The following GRM7 variants were observed in gnomAD, a reference collection of about 807,000 sequenced individuals.
The protein encoded by GRM7 is metabotropic glutamate receptor 7.
Under a neutral mutation model 84.5 loss-of-function variants are expected in GRM7, and 35 were observed. That is an observed-to-expected ratio of 0.41 (90% CI 0.32 to 0.55). The LOEUF (loss-of-function observed/expected upper bound fraction) is 0.55, where lower values mean the gene tolerates loss of function less well. GRM7 is among the 20% of genes least tolerant of loss of function. The probability of loss-of-function intolerance (pLI) is 0.19; values close to 1 mark genes in which losing one functional copy is unlikely to be tolerated. For missense variants in GRM7, 1,003 were observed against 1,194.6 expected (o/e 0.84, Z 2.36); for synonymous variants, 487 against 455.1 (o/e 1.07, Z -0.89).
intron 4 of GRM7, among the ~76,000 whole-genome samples, chr3:7,398,802 G>A (rs1439326057): frequency 6.6e-6 from 1 of 152,040 alleles, no homozygotes; most frequent in Non-Finnish European, 1.5e-5. Context: ...TTGGGGCCCT[G>A]TTTGAGTGCT....
chr3:7,595,763 G>A (rs1039370175), intron 8 of GRM7, among the ~76,000 whole-genome samples: 2 of 152,090 alleles, frequency 1.3e-5, no homozygotes, highest in African/African-American at 4.8e-5. Flanking sequence ...AGGCGCCAAG[G>A]CAGGGGTAAG....
intron 2 of GRM7, among the ~76,000 whole-genome samples, chr3:7,230,840 C>G (rs1013054324): frequency 6.6e-6 from 1 of 152,156 alleles, no homozygotes; most frequent in African/African-American, 2.4e-5. Context: ...ACGAGTAATT[C>G]TGGGAAGCAG....
At chr3:6,875,076 C>A (rs1695253980) in intron 1 of GRM7, among the ~76,000 whole-genome samples, 1 of 152,118 alleles carries the variant, frequency 6.6e-6, no homozygotes, top group Non-Finnish European at 1.5e-5. Flanking sequence ...AGGACTTCTG[C>A]AAATATTTAT....
chr3:6,899,014 A>G (rs1441607224), intron 1 of GRM7, among the ~76,000 whole-genome samples: 1 of 152,092 alleles, frequency 6.6e-6, no homozygotes, highest in Non-Finnish European at 1.5e-5. Context: ...CCATATTGCA[A>G]TCAGTAAAAT....
intron 9 of GRM7, among the ~76,000 whole-genome samples, chr3:7,730,314 TG>T (rs1702280280): frequency 6.6e-6 from 1 of 152,112 alleles, no homozygotes; most frequent in African/African-American, 2.4e-5. Context: ...CCTGTTTTTT[TG>T]TTTGTTTGTT....
chr3:7,377,989 G>C (rs922975506), intron 4 of GRM7, among the ~76,000 whole-genome samples: 8 of 152,136 alleles, frequency 5.3e-5, no homozygotes, highest in African/African-American at 1.7e-4. Flanking sequence ...TTCCCAGAAT[G>C]TAGTCACCAA....
chr3:6,893,610 C>T (rs888109020), intron 1 of GRM7, among the ~76,000 whole-genome samples: 2 of 152,092 alleles, frequency 1.3e-5, no homozygotes, highest in African/African-American at 4.8e-5. Context: ...GAAAAAGACA[C>T]AAAAATACAC....
chr3:6,996,072 A>T (rs915208483), intron 1 of GRM7, among the ~76,000 whole-genome samples: 6 of 151,274 alleles, frequency 4.0e-5, no homozygotes, highest in African/African-American at 1.5e-4. Context: ...TTTTTGAGAC[A>T]AAGTCTTGCT....
chr3:7,010,152 G>T lies in GRM7; in HGVS notation c.520-136300G>T, dbSNP rs539907018. 2.4e-4 allele frequency among the ~76,000 whole-genome samples: 36 copies of T among 152,262 alleles called. 1 individual carries two copies. In the South Asian group the frequency reaches 7.5e-3, roughly 32 times the overall value. ...CATCACAGACAAGGGGAGATTCTGG[G>T]CCGGGCCAGTAGCTCGGGACGGGCA... On this transcript the variant is annotated intron_variant, in intron 1 of 9. Transcript: ENST00000357716.
Position 7,641,350 on chromosome 3 carries a change from C to G in GRM7, c.2452-38699C>G, listed in dbSNP as rs184026611. On this transcript the variant is annotated intron_variant, in intron 8 of 9. Transcript: ENST00000357716. ...AAAGAAGAACTGACAATATATTATT[C>G]AAATGTGTCCTGGGTTTAATCCAAA... Among the ~76,000 whole-genome samples the G allele has an allele frequency of 7.9e-4, 121 of 152,218 alleles. 1 individual carries two copies. The highest frequency in any genetic ancestry group is 3.4e-4 in the Non-Finnish European group (23 of 67,980).
chr3:7,251,433 AAAG>A (rs1559528295), intron 2 of GRM7, among the ~76,000 whole-genome samples: 1 of 152,166 alleles, frequency 6.6e-6, no homozygotes, highest in Non-Finnish European at 1.5e-5. Flanking sequence ...TTTCACAAAA[AAAG>A]TATTGGAATA....
chr3:7,322,191 C>G (rs1306701619), intron 4 of GRM7, among the ~76,000 whole-genome samples: 1 of 151,944 alleles, frequency 6.6e-6, no homozygotes, highest in Non-Finnish European at 1.5e-5. Flanking sequence ...TAGTGAACTT[C>G]TAGTGGACGC....
At chr3:7,675,083 A>G (rs1686948732) in intron 8 of GRM7, among the ~76,000 whole-genome samples, 1 of 152,218 alleles carries the variant, frequency 6.6e-6, no homozygotes, top group South Asian at 2.1e-4. Flanking sequence ...AAAAGTGGTG[A>G]TTCATTAGTA....
At chr3:7,502,493 A>G (rs1038639949) in intron 7 of GRM7, among the ~76,000 whole-genome samples, 1 of 152,198 alleles carries the variant, frequency 6.6e-6, no homozygotes, top group African/African-American at 2.4e-5. Flanking sequence ...CAAGTCTAAG[A>G]ACAAAATCAA....
intron 8 of GRM7, among the ~76,000 whole-genome samples, chr3:7,669,534 G>A (rs1179327397): frequency 4.6e-5 from 7 of 152,184 alleles, no homozygotes; most frequent in Admixed American, 4.6e-4. Flanking sequence ...AATGCAGCAG[G>A]ACAGAGTTTT....
rs1396589610 is a variant in GRM7, at chr3:7,103,786, CTT to C, written c.520-42664_520-42663del. ...TCTTTCTTTCTTTCTTTCTTTCTTT[CTT>C]TCTTTCTTTCTTTCTTTCTTTCTTT... On this transcript the variant is annotated intron_variant, in intron 1 of 9. Coordinates refer to ENST00000357716, the MANE Select transcript of GRM7 (RefSeq NM_000844.4). 3.6e-5 allele frequency among the ~76,000 whole-genome samples: 4 copies of C among 109,748 alleles called. 1 individual carries two copies. Among genetic ancestry groups the C allele is most frequent in the Non-Finnish European group, 3.5e-5 (2 of 57,358 alleles). 72.0% of individuals were successfully genotyped at this position (109,748 alleles called of 152,430 possible). A position where few individuals can be genotyped will look rare whatever the true frequency, so the allele number is the denominator to read the frequency against.
chr3:7,314,375 T>C (rs534115162), intron 4 of GRM7, among the ~76,000 whole-genome samples: 1 of 151,418 alleles, frequency 6.6e-6, no homozygotes, highest in South Asian at 2.1e-4. Context: ...AGCATCTCTA[T>C]ATATTGCAAA....
chr3:7,314,928 T>C (rs1184124635), intron 4 of GRM7, among the ~76,000 whole-genome samples: 2 of 152,212 alleles, frequency 1.3e-5, no homozygotes, highest in Admixed American at 6.5e-5. Context: ...ATAATGTTCT[T>C]GATTGTTGAA....
At chr3:6,869,708 G>A (rs1050338528) in intron 1 of GRM7, among the ~76,000 whole-genome samples, 1 of 151,960 alleles carries the variant, frequency 6.6e-6, no homozygotes, top group African/African-American at 2.4e-5. Context: ...GAACATTTTA[G>A]TGACGTTACT....
Sources: allele counts gnomAD v4.1 joint callset (sites outside exome capture counted in the v4.1 genomes callset), GRCh38; gene constraint gnomAD v4.1.1; transcripts MANE v1.5; gene names NCBI Gene and HGNC (gene_info 2026-07-23, HGNC 2026-07-21).